FRMD4B: variants seen among roughly 807,000 people sequenced by gnomAD.
FRMD4B encodes the protein FERM domain-containing protein 4B.
FRMD4B carries 74 observed loss-of-function variants against 141.5 expected under a neutral mutation model. The observed-to-expected ratio is 0.52, with a 90% CI of 0.43 to 0.63. The LOEUF is 0.63. Among genes scored for constraint, FRMD4B ranks in the 30% least tolerant of loss-of-function variants. The pLI is 0.00. For synonymous variants in FRMD4B, 506 were observed against 467.9 expected, an observed-to-expected ratio of 1.08 and a Z score of -1.05; for missense variants, 1,366 against 1,253.4, an observed-to-expected ratio of 1.09 and a Z score of -1.36.
At chr3:69,172,016 GC>G in intron 22 of FRMD4B, 35 bp from the exon 23 acceptor site, 1 of 1,607,706 alleles carries the variant, frequency 6.2e-7, no homozygotes, top group Non-Finnish European at 8.5e-7. Context: ...ACTACTTGTG[GC>G]CATATTTTTG....
intron 4 of FRMD4B, among the ~76,000 whole-genome samples, chr3:69,301,081 TTAAA>T (rs1317113796): frequency 6.6e-6 from 1 of 152,168 alleles, no homozygotes; most frequent in Non-Finnish European, 1.5e-5. Context: ...GCCTAAATGC[TTAAA>T]TAAATAGATT....
chr3:69,303,206 T>TGTGGCGGCAGACACATGTAGTCCCAGTG (rs1701276793), intron 3 of FRMD4B, among the ~76,000 whole-genome samples: 1 of 71,860 alleles, frequency 1.4e-5, no homozygotes, highest in Admixed American at 1.7e-4. Flanking sequence ...TAGTCCCAGT[T>TGTGGCGGCAGACACATGTAGTCCCAGTG]ATTCGGGAAA....
intron 2 of FRMD4B, among the ~76,000 whole-genome samples, chr3:69,394,161 T>C (rs1023217527): frequency 1.3e-5 from 2 of 152,202 alleles, no homozygotes; most frequent in African/African-American, 4.8e-5. Flanking sequence ...TGCTGGTCAA[T>C]TTGTTTTCTG....
upstream of FRMD4B, among the ~76,000 whole-genome samples, chr3:69,386,848 T>C (rs1339054825): frequency 6.6e-6 from 1 of 152,136 alleles, no homozygotes; most frequent in East Asian, 1.9e-4. Flanking sequence ...CCCTTGTAAA[T>C]AGCTTGCCGT....
intron 5 of FRMD4B, among the ~76,000 whole-genome samples, chr3:69,270,685 C>A (rs2093590492): frequency 6.6e-6 from 1 of 151,886 alleles, no homozygotes; most frequent in African/African-American, 2.4e-5. Flanking sequence ...CCTGCCTCAG[C>A]CTCCCGAGTA....
chr3:69,457,041 C>CGTGT (rs532828341), intron 1 of FRMD4B, among the ~76,000 whole-genome samples: 124 of 151,200 alleles, frequency 8.2e-4, no homozygotes, highest in African/African-American at 2.8e-3. Flanking sequence ...CACACACAAA[C>CGTGT]GTGTGTGTGT....
chr3:69,322,749 A>G (rs1430331800), intron 1 of FRMD4B, among the ~76,000 whole-genome samples: 1 of 151,996 alleles, frequency 6.6e-6, no homozygotes, highest in African/African-American at 2.4e-5. Context: ...GGCATGTGCC[A>G]CCACACCTGG....
At chr3:69,250,701 G>C (rs577048353) in intron 5 of FRMD4B, among the ~76,000 whole-genome samples, 2 of 150,948 alleles carry the variant, frequency 1.3e-5, no homozygotes, top group Non-Finnish European at 1.5e-5. Flanking sequence ...ATTGAAGTTC[G>C]AGGAACTCTA....
At chr3:69,184,198 C>T (rs138935880) in intron 19 of FRMD4B, among the ~76,000 whole-genome samples, 80 of 152,280 alleles carry the variant, frequency 5.3e-4, no homozygotes, top group African/African-American at 1.9e-3. Flanking sequence ...AGGCGTGAGC[C>T]GCTGCCTGTA....
intron 2 of FRMD4B, among the ~76,000 whole-genome samples, chr3:69,420,057 A>T (rs1051141466): frequency 6.6e-6 from 1 of 152,122 alleles, no homozygotes; most frequent in Non-Finnish European, 1.5e-5. Context: ...GGGTTTCACC[A>T]TGTTGGCCAG....
upstream of FRMD4B, among the ~76,000 whole-genome samples, chr3:69,389,714 C>T (rs973119013): frequency 6.6e-5 from 10 of 152,162 alleles, no homozygotes; most frequent in Admixed American, 6.5e-4. Context: ...CCAGGGACTG[C>T]AGTGGGTGGC....
intron 1 of FRMD4B, among the ~76,000 whole-genome samples, chr3:69,437,403 C>T (rs1156395827): frequency 6.7e-6 from 1 of 149,522 alleles, no homozygotes; most frequent in Admixed American, 6.7e-5. Flanking sequence ...AAAATGGTAA[C>T]TCTTATGTTA....
intron 1 of FRMD4B, among the ~76,000 whole-genome samples, chr3:69,501,603 C>T (rs1424589835): frequency 6.6e-6 from 1 of 152,124 alleles, no homozygotes. Flanking sequence ...TGGAAGCATT[C>T]CCTTTGACAA....
At chr3:69,309,559 C>T (rs1452499418) in intron 3 of FRMD4B, among the ~76,000 whole-genome samples, 1 of 151,424 alleles carries the variant, frequency 6.6e-6, no homozygotes, top group Non-Finnish European at 1.5e-5. Flanking sequence ...CCTCCCACCT[C>T]AGCCTCCCGA....
In FRMD4B at chr3:69,393,780, C is replaced by T. The variant is rs112876442; in HGVS notation, c.-1+38854G>A. 7.5e-3 allele frequency among the ~76,000 whole-genome samples: 1,143 copies of T among 152,202 alleles called. 17 individuals are homozygous for T. Among genetic ancestry groups the T allele is most frequent in the African/African-American group, 0.026 (1,069 of 41,516 alleles). ...ATTTTTTCTAAATAAATAAAGGCAG[C>T]TTTGCTTATATCATCAGTTGATTCT... On this transcript the variant is annotated intron_variant, in intron 2 of 5. Transcript: ENST00000459638.
chr3:69,332,720 G>C (rs1180949078), intron 1 of FRMD4B, among the ~76,000 whole-genome samples: 3 of 150,368 alleles, frequency 2.0e-5, no homozygotes, highest in African/African-American at 7.4e-5. Flanking sequence ...AGGACTACAG[G>C]TGTGCACCAC....
chr3:69,206,157 G>A (rs1171633659), intron 11 of FRMD4B, among the ~76,000 whole-genome samples: 1 of 152,106 alleles, frequency 6.6e-6, no homozygotes, highest in Non-Finnish European at 1.5e-5. Context: ...TTCGAGACCA[G>A]CCTGACCAAT....
intron 2 of FRMD4B, among the ~76,000 whole-genome samples, chr3:69,413,784 A>C (rs1328205613): frequency 6.6e-6 from 1 of 152,192 alleles, no homozygotes. Context: ...GAATGAAGAC[A>C]ATACAACCCT....
At chr3:69,332,722 G>A (rs1702407985) in intron 1 of FRMD4B, among the ~76,000 whole-genome samples, 1 of 148,970 alleles carries the variant, frequency 6.7e-6, no homozygotes, top group African/African-American at 2.5e-5. Context: ...GACTACAGGT[G>A]TGCACCACCA....
Sources: allele counts gnomAD v4.1 joint callset (sites outside exome capture counted in the v4.1 genomes callset), GRCh38; gene constraint gnomAD v4.1.1; transcripts MANE v1.5; gene names NCBI Gene and HGNC (gene_info 2026-07-23, HGNC 2026-07-21).